The following ADGRB3 variants were observed in gnomAD, a reference collection of about 807,000 sequenced individuals.
ADGRB3 encodes brain-specific angiogenesis inhibitor 3.
In ADGRB3, 37 loss-of-function variants were observed where a neutral mutation model predicts 193.4. The observed-to-expected ratio is 0.19, with a 90% confidence interval of 0.15 to 0.25. The LOEUF is 0.25. ADGRB3 is among the 10% of genes least tolerant of loss of function. The pLI is 1.00. For synonymous variants in ADGRB3, 690 were observed against 644.2 expected, an observed-to-expected ratio of 1.07 and a Z score of -1.08; for missense variants, 1,637 against 1,852.9, an observed-to-expected ratio of 0.88 and a Z score of 2.14.
chr6:69,169,377 C>G (rs994029821), intron 17 of ADGRB3, among the ~76,000 whole-genome samples: 4 of 151,728 alleles, frequency 2.6e-5, no homozygotes, highest in Non-Finnish European at 5.9e-5. Flanking sequence ...GCCAATTTCT[C>G]TTACTTATTT....
intron 17 of ADGRB3, among the ~76,000 whole-genome samples, chr6:69,150,192 G>A (rs1774633141): frequency 6.6e-6 from 1 of 152,016 alleles, no homozygotes; most frequent in African/African-American, 2.4e-5. Flanking sequence ...TTCCCTTCAG[G>A]GAAGCAAGTT....
intron 17 of ADGRB3, among the ~76,000 whole-genome samples, chr6:69,147,662 G>A (rs548024775): frequency 2.6e-5 from 4 of 152,192 alleles, no homozygotes; most frequent in African/African-American, 7.2e-5. Flanking sequence ...AAGTCCATTT[G>A]GGCTATATTG....
At chr6:68,721,259 AATGTGGCAC>A (rs1233209803) in intron 3 of ADGRB3, among the ~76,000 whole-genome samples, 2 of 151,922 alleles carry the variant, frequency 1.3e-5, no homozygotes, top group African/African-American at 4.8e-5. Context: ...GGATTAAGAA[AATGTGGCAC>A]ATATACACCA....
At chr6:69,323,086 T>C (rs1768496733) in intron 20 of ADGRB3, among the ~76,000 whole-genome samples, 1 of 151,990 alleles carries the variant, frequency 6.6e-6, no homozygotes, top group Non-Finnish European at 1.5e-5. Context: ...TACTCAGACA[T>C]TGAACATGTC....
At chr6:69,334,724 T>A (rs560468128) in intron 24 of ADGRB3, among the ~76,000 whole-genome samples, 3 of 152,270 alleles carry the variant, frequency 2.0e-5, no homozygotes, top group African/African-American at 7.2e-5. Context: ...GAAACTCAGT[T>A]CTGCTGCTAG....
intron 3 of ADGRB3, among the ~76,000 whole-genome samples, chr6:68,713,292 A>G (rs983684264): frequency 6.6e-6 from 1 of 151,914 alleles, no homozygotes; most frequent in African/African-American, 2.4e-5. Flanking sequence ...TAATCAAAGC[A>G]TCTGCCATTT....
chr6:68,908,849 G>A (rs1766620296), intron 3 of ADGRB3, among the ~76,000 whole-genome samples: 1 of 152,080 alleles, frequency 6.6e-6, no homozygotes, highest in African/African-American at 2.4e-5. Flanking sequence ...TCTCACCTAA[G>A]CATCTCCTCT....
intron 13 of ADGRB3, among the ~76,000 whole-genome samples, chr6:69,031,997 T>C (rs1376171206): frequency 6.6e-6 from 1 of 152,176 alleles, no homozygotes; most frequent in Non-Finnish European, 1.5e-5. Context: ...CTGTGTGCCC[T>C]AGGGAAGGTA....
chr6:69,271,585 C>T (rs57548563), intron 20 of ADGRB3, among the ~76,000 whole-genome samples: 228 of 152,054 alleles, frequency 1.5e-3, no homozygotes, highest in African/African-American at 5.1e-3. Flanking sequence ...AATTATGTAG[C>T]ATGTTATTCT....
At chr6:68,731,026 A>T (rs1224595114) in intron 3 of ADGRB3, among the ~76,000 whole-genome samples, 1 of 151,644 alleles carries the variant, frequency 6.6e-6, no homozygotes, top group Non-Finnish European at 1.5e-5. Flanking sequence ...AAAAGAAATA[A>T]GGACTGCAGC....
intron 17 of ADGRB3, among the ~76,000 whole-genome samples, chr6:69,084,809 G>T (rs1449357911): frequency 1.3e-5 from 2 of 152,124 alleles, no homozygotes; most frequent in Non-Finnish European, 2.9e-5. Flanking sequence ...CCTATGGCAT[G>T]GAGGTGAATG....
At chr6:68,707,110 CAAAAA>C (rs11349240) in intron 3 of ADGRB3, among the ~76,000 whole-genome samples, 5 of 90,536 alleles carry the variant, frequency 5.5e-5, no homozygotes, top group Non-Finnish European at 6.9e-5. Flanking sequence ...GACTCCATCT[CAAAAA>C]AAAAAAAAAA....
chr6:68,860,560 A>G (rs1209120834), intron 3 of ADGRB3, among the ~76,000 whole-genome samples: 3 of 152,222 alleles, frequency 2.0e-5, no homozygotes. Context: ...TGCAAAAGCC[A>G]TGATTTCATT....
chr6:68,811,062 G>A (rs1057170020), intron 3 of ADGRB3, among the ~76,000 whole-genome samples: 20 of 151,954 alleles, frequency 1.3e-4, no homozygotes, highest in Non-Finnish European at 1.5e-4. Context: ...TTTACCCTAT[G>A]GTTTTATGAG....
At chr6:68,881,097 A>G (rs575511799) in intron 3 of ADGRB3, among the ~76,000 whole-genome samples, 26 of 152,212 alleles carry the variant, frequency 1.7e-4, no homozygotes, top group African/African-American at 5.1e-4. Flanking sequence ...TAGGATGGTT[A>G]TATTGCCTAG....
At chr6:69,090,428 T>C (rs1004354340) in intron 17 of ADGRB3, among the ~76,000 whole-genome samples, 1 of 152,228 alleles carries the variant, frequency 6.6e-6, no homozygotes. Context: ...TTCCAGTATA[T>C]GTAATGAATT....
At chr6:68,872,349 TAAG>T (rs2089874509) in intron 3 of ADGRB3, among the ~76,000 whole-genome samples, 1 of 152,006 alleles carries the variant, frequency 6.6e-6, no homozygotes, top group South Asian at 2.1e-4. Context: ...AAGTTTTTAT[TAAG>T]AAGAAAAATA....
intron 8 of ADGRB3, among the ~76,000 whole-genome samples, chr6:68,967,151 G>A (rs1768407516): frequency 6.6e-6 from 1 of 152,132 alleles, no homozygotes; most frequent in South Asian, 2.1e-4. Context: ...AATTTGTGTA[G>A]TGGATTTCTG....
chr6:68,718,750 T>G (rs914793120), intron 3 of ADGRB3, among the ~76,000 whole-genome samples: 1 of 151,786 alleles, frequency 6.6e-6, no homozygotes, highest in Non-Finnish European at 1.5e-5. Context: ...GGAGTTATTT[T>G]ACCTACTGTG....
Sources: allele counts gnomAD v4.1 joint callset (sites outside exome capture counted in the v4.1 genomes callset), GRCh38; gene constraint gnomAD v4.1.1; transcripts MANE v1.5; gene names NCBI Gene and HGNC (gene_info 2026-07-23, HGNC 2026-07-21).